Variants in PDZRN3 observed in about 807,000 individuals in gnomAD.
The protein encoded by PDZRN3 is E3 ubiquitin-protein ligase PDZRN3.
Under a neutral mutation model 85.7 loss-of-function variants are expected in PDZRN3, and 38 were observed. The observed-to-expected ratio is 0.44, with a 90% CI of 0.34 to 0.58. The LOEUF (loss-of-function observed/expected upper bound fraction) is 0.58, where lower values mean the gene tolerates loss of function less well. PDZRN3 is among the 20% of genes least tolerant of loss of function. The pLI, the probability that PDZRN3 is intolerant of heterozygous loss-of-function variation, is 0.01. For missense variants in PDZRN3, 1,629 were observed against 1,506.4 expected (o/e 1.08, Z -1.35); for synonymous variants, 759 against 638.0 (o/e 1.19, Z -2.86).
At chr3:73,552,960 A>C (rs1701597759) in intron 3 of PDZRN3, among the ~76,000 whole-genome samples, 1 of 152,248 alleles carries the variant, frequency 6.6e-6, no homozygotes, top group African/African-American at 2.4e-5. Context: ...CTACGTGCTC[A>C]CCACGGTGGC....
At chr3:73,492,792 G>C (rs1433388291) in intron 3 of PDZRN3, among the ~76,000 whole-genome samples, 1 of 152,118 alleles carries the variant, frequency 6.6e-6, no homozygotes, top group African/African-American at 2.4e-5. Context: ...TGTTCCCAGT[G>C]CAAATAAATG....
intron 3 of PDZRN3, among the ~76,000 whole-genome samples, chr3:73,592,378 T>C (rs1450587614): frequency 8.2e-6 from 1 of 121,922 alleles, no homozygotes; most frequent in Non-Finnish European, 1.9e-5. Flanking sequence ...TTTTGAGGGG[T>C]GTGGGAGTGC....
chr3:73,618,652 T>G (rs927734790), intron 1 of PDZRN3, among the ~76,000 whole-genome samples: 1 of 152,262 alleles, frequency 6.6e-6, no homozygotes, highest in African/African-American at 2.4e-5. Flanking sequence ...ATAAATAGAT[T>G]CTTACTCATC....
chr3:73,557,695 CT>C (rs1471458707), intron 3 of PDZRN3, among the ~76,000 whole-genome samples: 1 of 152,016 alleles, frequency 6.6e-6, no homozygotes, highest in Non-Finnish European at 1.5e-5. Context: ...TGTCTTATGT[CT>C]TATGACTAAC....
intron 3 of PDZRN3, among the ~76,000 whole-genome samples, chr3:73,435,370 A>G (rs1262230896): frequency 1.3e-5 from 2 of 152,144 alleles, no homozygotes; most frequent in African/African-American, 4.8e-5. Context: ...CAGGGAAAGG[A>G]AGCCACAGAT....
intron 3 of PDZRN3, among the ~76,000 whole-genome samples, chr3:73,505,091 T>C (rs1427420365): frequency 6.6e-6 from 1 of 152,216 alleles, no homozygotes; most frequent in Non-Finnish European, 1.5e-5. Flanking sequence ...TAAGATAGTG[T>C]GACACCCATG....
chr3:73,617,856 C>T (rs528425761), intron 1 of PDZRN3, among the ~76,000 whole-genome samples: 1 of 152,144 alleles, frequency 6.6e-6, no homozygotes, highest in African/African-American at 2.4e-5. Flanking sequence ...CAGGTGTGCA[C>T]CAGCACACCT....
chr3:73,389,176 A>C (rs538477265), intron 7 of PDZRN3, among the ~76,000 whole-genome samples: 1 of 152,170 alleles, frequency 6.6e-6, no homozygotes, highest in Admixed American at 6.5e-5. Context: ...GTAGAAAGCT[A>C]AGCCTTGTGG....
At chr3:73,487,892 C>G (rs1273006552) in intron 3 of PDZRN3, among the ~76,000 whole-genome samples, 3 of 152,186 alleles carry the variant, frequency 2.0e-5, no homozygotes, top group Non-Finnish European at 4.4e-5. Context: ...CAAAGACTCC[C>G]AGAAACATCA....
intron 3 of PDZRN3, among the ~76,000 whole-genome samples, chr3:73,446,389 C>A (rs1702748889): frequency 6.6e-6 from 1 of 152,226 alleles, no homozygotes. Flanking sequence ...TACACCAATA[C>A]TATTCCATCA....
intron 3 of PDZRN3, among the ~76,000 whole-genome samples, chr3:73,483,555 T>C (rs993925136): frequency 1.1e-4 from 17 of 152,356 alleles, no homozygotes; most frequent in Admixed American, 9.2e-4. Flanking sequence ...GGCTGCCACA[T>C]AGTTAAGCAA....
intron 3 of PDZRN3, among the ~76,000 whole-genome samples, chr3:73,409,694 C>T (rs564403501): frequency 5.9e-5 from 9 of 152,110 alleles, no homozygotes; most frequent in South Asian, 2.1e-4. Flanking sequence ...TTGGTTTTCA[C>T]GGTCTACTTA....
rs1701364795 is a variant in PDZRN3, at chr3:73,385,725, T to C, written c.1579A>G (p.Met527Val). 1.2e-6 allele frequency: 2 copies of C among 1,614,096 alleles called. No homozygotes were observed. Among genetic ancestry groups the C allele is most frequent in the Non-Finnish European group, 1.7e-6 (2 of 1,179,950 alleles). The change falls in exon 9 of 10, where the codon ATG becomes GTG. Residue 527 changes from methionine to valine, a missense_variant. Transcript: ENST00000263666. ...GCCTGGTGGTGCTGCTCCTCCAGCA[T>C]GTCCATGTGCAGGTCATCCAGAAAG... ...NDFLDDLHMD[M>V]LEEQHHQAMQ... is the part of the protein sequence containing the mutation.
chr3:73,403,942 G>A (rs535750179), intron 4 of PDZRN3, among the ~76,000 whole-genome samples: 2 of 152,242 alleles, frequency 1.3e-5, no homozygotes, highest in East Asian at 1.9e-4. Flanking sequence ...GAATAAGTCC[G>A]CTCCAGGGTT....
At chr3:73,574,823 C>G (rs1702099498) in intron 3 of PDZRN3, among the ~76,000 whole-genome samples, 1 of 152,222 alleles carries the variant, frequency 6.6e-6, no homozygotes, top group Non-Finnish European at 1.5e-5. Context: ...ACAAATTCAA[C>G]TTCCCCCCTC....
In PDZRN3 at chr3:73,394,368, C is replaced by T. The variant is rs3887642; in HGVS notation, c.1255-3252G>A. Among the ~76,000 whole-genome samples the T allele has an allele frequency of 6.2e-3, 941 of 152,284 alleles. 13 individuals are homozygous for T. Among genetic ancestry groups the T allele is most frequent in the African/African-American group, 0.022 (909 of 41,540 alleles). On this transcript the variant is annotated intron_variant, in intron 5 of 9. Coordinates refer to ENST00000263666, the MANE Select transcript of PDZRN3 (RefSeq NM_015009.3). ...CAGAATGGCGTAGAGCCCAATGCTG[C>T]GTTTAGCCTTCAACACCCATCATAA...
intron 6 of PDZRN3, among the ~76,000 whole-genome samples, chr3:73,390,635 A>ATGTGTGTGTGTG (rs746695153): frequency 1.9e-4 from 26 of 139,458 alleles, no homozygotes; most frequent in East Asian, 6.5e-4. Context: ...AGAAAAAAAA[A>ATGTGTGTGTGTG]TGTGTGTGTG....
chr3:73,458,072 T>C (rs1703024112), intron 3 of PDZRN3, among the ~76,000 whole-genome samples: 1 of 152,224 alleles, frequency 6.6e-6, no homozygotes, highest in South Asian at 2.1e-4. Context: ...GAGGTTCTGT[T>C]ACCAGTGGGG....
chr3:73,580,183 C>A (rs750334473), intron 3 of PDZRN3, among the ~76,000 whole-genome samples: 2 of 152,146 alleles, frequency 1.3e-5, no homozygotes, highest in Non-Finnish European at 2.9e-5. Flanking sequence ...CTGCAAAGAA[C>A]TTAAGAATTC....
Sources: allele counts gnomAD v4.1 joint callset (sites outside exome capture counted in the v4.1 genomes callset), GRCh38; gene constraint gnomAD v4.1.1; transcripts MANE v1.5; gene names NCBI Gene and HGNC (gene_info 2026-07-23, HGNC 2026-07-21).